Variants in ANO3 observed in about 807,000 individuals in gnomAD.
The protein encoded by ANO3 is anoctamin-3.
Under a neutral mutation model 144.8 loss-of-function variants are expected in ANO3, and 99 were observed. That is an observed-to-expected ratio of 0.68 (90% confidence interval 0.58 to 0.81). The LOEUF is 0.81. ANO3 is among the 30% of genes least tolerant of loss of function. ANO3 has a pLI of 0.00. For missense variants in ANO3, 905 were observed against 1,202.2 expected, an observed-to-expected ratio of 0.75 and a Z score of 3.66; for synonymous variants, 414 against 392.6, an observed-to-expected ratio of 1.05 and a Z score of -0.64.
intron 1 of ANO3, among the ~76,000 whole-genome samples, chr11:26,319,559 A>G (rs573168556): frequency 2.1e-4 from 32 of 152,318 alleles, no homozygotes; most frequent in African/African-American, 7.5e-4. Flanking sequence ...CTTTGTTTGT[A>G]TGGCATAGAC....
At chr11:26,388,309 T>C (rs1320961753) in intron 1 of ANO3, among the ~76,000 whole-genome samples, 1 of 151,942 alleles carries the variant, frequency 6.6e-6, no homozygotes, top group African/African-American at 2.4e-5. Context: ...AAGAAATATT[T>C]TATATTTAAA....
rs377700169 is a variant in ANO3 at position 26,646,218 on chromosome 11, T to C, written c.2429-1491T>C. On this transcript the variant is annotated intron_variant, in intron 23 of 26. Coordinates refer to ENST00000256737, the MANE Select transcript of ANO3 (RefSeq NM_031418.4). ...GAACATTCTCCAGCTCAAAACATAT[T>C]CATCTAATTTATTTTAATAGAATAG... Among the ~76,000 whole-genome samples the C allele has an allele frequency of 9.9e-5, 15 of 152,252 alleles. No individual in the cohort carries two copies. The East Asian group carries it at 2.5e-3, about 25-fold the overall frequency.
At chr11:26,657,391 C>T (rs185363963) in intron 26 of ANO3, among the ~76,000 whole-genome samples, 1 of 152,104 alleles carries the variant, frequency 6.6e-6, no homozygotes, top group African/African-American at 2.4e-5. Flanking sequence ...GTGAGAGTGT[C>T]TAATATAAGA....
chr11:26,259,490 A>G (rs960175638), intron 1 of ANO3, among the ~76,000 whole-genome samples: 1 of 150,398 alleles, frequency 6.6e-6, no homozygotes. Context: ...TCTACTAAAA[A>G]TACAAAAATT....
At chr11:26,189,147 T>C (rs1361560865) in exon 1 of ANO3, 1 of 965,204 alleles carries the variant, frequency 1.0e-6, no homozygotes, top group Non-Finnish European at 1.2e-6. Flanking sequence ...GTGTGAACTT[T>C]ACTTTACATA....
intron 1 of ANO3, among the ~76,000 whole-genome samples, chr11:26,325,026 G>T (rs182606793): frequency 6.6e-6 from 1 of 152,250 alleles, no homozygotes; most frequent in Non-Finnish European, 1.5e-5. Context: ...GGAAAATGCA[G>T]TCACTAGAGT....
chr11:26,300,626 A>G (rs987208629), intron 1 of ANO3, among the ~76,000 whole-genome samples: 2 of 152,156 alleles, frequency 1.3e-5, no homozygotes, highest in African/African-American at 4.8e-5. Context: ...TCACATAGGA[A>G]CAAACTTCTA....
chr11:26,370,186 G>A (rs1163244216), intron 1 of ANO3, among the ~76,000 whole-genome samples: 2 of 152,124 alleles, frequency 1.3e-5, no homozygotes, highest in Admixed American at 1.3e-4. Context: ...ATGGAATCAT[G>A]GGTGTGGTTT....
intron 18 of ANO3, among the ~76,000 whole-genome samples, chr11:26,625,116 G>T (rs966738760): frequency 6.6e-6 from 1 of 151,978 alleles, no homozygotes; most frequent in African/African-American, 2.4e-5. Flanking sequence ...TAGTAGAGAC[G>T]GGGTTTCACC....
intron 1 of ANO3, among the ~76,000 whole-genome samples, chr11:26,250,863 C>A (rs1852912677): frequency 6.6e-6 from 1 of 152,268 alleles, no homozygotes; most frequent in South Asian, 2.1e-4. Context: ...GCATTTAGTA[C>A]ATCTACCTAC....
At chr11:26,263,297 G>A (rs761548330) in intron 1 of ANO3, among the ~76,000 whole-genome samples, 23 of 152,268 alleles carry the variant, frequency 1.5e-4, no homozygotes, top group Non-Finnish European at 2.1e-4. Flanking sequence ...GGAACTAGTC[G>A]AAGACTAGAG....
intron 24 of ANO3, among the ~76,000 whole-genome samples, chr11:26,649,403 A>G (rs376163539): frequency 1.4e-4 from 21 of 152,176 alleles, no homozygotes; most frequent in East Asian, 1.2e-3. Context: ...TCTGCTTTTT[A>G]GTAAAAGGCA....
At chr11:26,262,999 G>A (rs1072987) in intron 1 of ANO3, among the ~76,000 whole-genome samples, 3,045 of 152,214 alleles carry the variant, frequency 0.02, 60 homozygotes, top group East Asian at 0.12. Context: ...TGAATGAATG[G>A]GTGGGTGATG....
chr11:26,497,054 TTCTC>T (rs1565061803), intron 4 of ANO3, among the ~76,000 whole-genome samples: 19 of 146,982 alleles, frequency 1.3e-4, no homozygotes, highest in African/African-American at 4.7e-4. Context: ...ACACTACATT[TTCTC>T]TCTCTATATA....
intron 10 of ANO3, among the ~76,000 whole-genome samples, chr11:26,539,405 C>T (rs529504748): frequency 1.3e-5 from 2 of 152,118 alleles, no homozygotes; most frequent in Admixed American, 1.3e-4. Flanking sequence ...AATGATGTAG[C>T]TGATTGAGAT....
intron 3 of ANO3, 22 bp from the exon 4 acceptor site, chr11:26,463,008 A>T: frequency 8.0e-7 from 1 of 1,256,320 alleles, no homozygotes; most frequent in Non-Finnish European, 1.1e-6. Flanking sequence ...AATGGATATA[A>T]CTTTCTCTTT....
chr11:26,643,937 G>A (rs1853255562), intron 23 of ANO3, among the ~76,000 whole-genome samples: 1 of 152,152 alleles, frequency 6.6e-6, no homozygotes, highest in South Asian at 2.1e-4. Context: ...TGCCATTTTG[G>A]AAGCTGGAAG....
At chr11:26,564,780 T>TCTG (rs751785111) in intron 14 of ANO3, among the ~76,000 whole-genome samples, 1 of 92,652 alleles carries the variant, frequency 1.1e-5, no homozygotes. Context: ...TATATATATA[T>TCTG]ATATAAGTTC....
rs1308052640 is a variant in ANO3, at chr11:26,234,892, C to G, written c.154+45562C>G. Among the ~76,000 whole-genome samples, 3 of 152,056 alleles carry G rather than the reference C, an allele frequency of 2.0e-5. No individual in the cohort carries two copies. The East Asian group carries it at 5.8e-4, about 29-fold the overall frequency. ...GGCAGTATAAATTCCAGTCCAAATC[C>G]TAAGGCCTGAGGGCCAGAAGTGCCA... On this transcript the variant is annotated intron_variant, in intron 1 of 27. Coordinates refer to the ANO3 transcript ENST00000672621.
Sources: allele counts gnomAD v4.1 joint callset (sites outside exome capture counted in the v4.1 genomes callset), GRCh38; gene constraint gnomAD v4.1.1; transcripts MANE v1.5; gene names NCBI Gene and HGNC (gene_info 2026-07-23, HGNC 2026-07-21).